The following FYB1 variants were observed in gnomAD, a reference collection of about 807,000 sequenced individuals.
The protein encoded by FYB1 is FYN-binding protein 1.
A neutral mutation model predicts 94.1 loss-of-function variants in FYB1; 41 were observed. The observed-to-expected ratio is 0.44, with a 90% CI of 0.34 to 0.57. FYB1 has a LOEUF of 0.57. FYB1 is among the 20% of genes least tolerant of loss of function. The probability of loss-of-function intolerance (pLI) is 0.02; values close to 1 mark genes in which losing one functional copy is unlikely to be tolerated. For missense variants in FYB1, 1,050 were observed against 976.8 expected, an observed-to-expected ratio of 1.07 and a Z score of -1.00; for synonymous variants, 367 against 353.2, an observed-to-expected ratio of 1.04 and a Z score of -0.44.
chr5:39,253,286 T>G (rs1383970039), intron 1 of FYB1, among the ~76,000 whole-genome samples: 2 of 152,212 alleles, frequency 1.3e-5, no homozygotes, highest in Non-Finnish European at 2.9e-5. Flanking sequence ...AACTCTCAAA[T>G]ATAAGTGAGT....
At chr5:39,175,710 T>A (rs1745657470) in intron 2 of FYB1, among the ~76,000 whole-genome samples, 1 of 151,700 alleles carries the variant, frequency 6.6e-6, no homozygotes, top group South Asian at 2.1e-4. Context: ...CAGAAAGGAA[T>A]CTCAGAACTC....
At chr5:39,163,783 C>A (rs1744474298) in intron 2 of FYB1, among the ~76,000 whole-genome samples, 1 of 152,174 alleles carries the variant, frequency 6.6e-6, no homozygotes, top group Non-Finnish European at 1.5e-5. Flanking sequence ...TTGTCAGATG[C>A]TCATAGATTA....
chr5:39,138,935 T>C, intron 5 of FYB1: 1 of 560,154 alleles, frequency 1.8e-6, no homozygotes, highest in South Asian at 2.0e-5. Context: ...AATATTTTTT[T>C]TCTCCTTAGA....
At chr5:39,231,373 T>C (rs1301489196) in intron 1 of FYB1, among the ~76,000 whole-genome samples, 1 of 152,086 alleles carries the variant, frequency 6.6e-6, no homozygotes, top group Non-Finnish European at 1.5e-5. Context: ...TCTCTAAATG[T>C]ACTGAGTACC....
At chr5:39,132,683 C>T (rs564415018) in intron 9 of FYB1, among the ~76,000 whole-genome samples, 1 of 152,204 alleles carries the variant, frequency 6.6e-6, no homozygotes, top group South Asian at 2.1e-4. Context: ...TTCTAAGAAC[C>T]TCATTGTTTT....
At chr5:39,213,672 TGG>T (rs1749613409) in intron 1 of FYB1, among the ~76,000 whole-genome samples, 1 of 152,158 alleles carries the variant, frequency 6.6e-6, no homozygotes, top group Non-Finnish European at 1.5e-5. Flanking sequence ...GTGTGTGTGT[TGG>T]TGTGGGGGTG....
At chr5:39,238,624 G>GA (rs372962020) in intron 1 of FYB1, among the ~76,000 whole-genome samples, 52 of 152,008 alleles carry the variant, frequency 3.4e-4, no homozygotes, top group African/African-American at 1.2e-3. Flanking sequence ...CAAGAAGAGA[G>GA]AAAAAAGAGC....
intron 1 of FYB1, among the ~76,000 whole-genome samples, chr5:39,209,430 G>A (rs532124305): frequency 2.0e-5 from 3 of 151,636 alleles, no homozygotes; most frequent in South Asian, 2.1e-4. Context: ...GGGTTCAAGC[G>A]ATTCTCGTGC....
intron 18 of FYB1, 104 bp downstream of exon 18, chr5:39,108,127 C>T: frequency 9.2e-7 from 1 of 1,090,852 alleles, no homozygotes; most frequent in South Asian, 1.6e-5. Context: ...GATTCAAATT[C>T]TGATCAGATT....
intron 4 of FYB1, chr5:39,139,841 T>C (rs969660607): frequency 6.6e-6 from 1 of 152,154 alleles, no homozygotes; most frequent in African/African-American, 2.4e-5. Context: ...TACACAAATG[T>C]ACATAAACAC....
chr5:39,127,845 A>G (rs760205899), intron 10 of FYB1, 38 bp from the exon 11 acceptor site: 3 of 1,564,362 alleles, frequency 1.9e-6, no homozygotes, highest in Non-Finnish European at 2.6e-6. Context: ...TGTTAATTTT[A>G]TAATTTGGCC....
intron 1 of FYB1, among the ~76,000 whole-genome samples, chr5:39,216,178 C>T (rs6864404): frequency 0.014 from 2,174 of 152,214 alleles, 48 homozygotes; most frequent in African/African-American, 0.047. Flanking sequence ...TTGTAAGCTG[C>T]CTAGTTTGTG....
chr5:39,111,566 T>C (rs1387591320), intron 16 of FYB1, among the ~76,000 whole-genome samples: 2 of 151,810 alleles, frequency 1.3e-5, no homozygotes, highest in Non-Finnish European at 2.9e-5. Context: ...TGAAGTGTTA[T>C]AGGGTTAAAA....
chr5:39,125,544 A>G (rs1740579110), intron 12 of FYB1, among the ~76,000 whole-genome samples: 1 of 152,208 alleles, frequency 6.6e-6, no homozygotes, highest in African/African-American at 2.4e-5. Context: ...TCTTTATTTC[A>G]AACTATTAAA....
At chr5:39,260,357 A>G (rs907297863) in intron 1 of FYB1, among the ~76,000 whole-genome samples, 5 of 152,192 alleles carry the variant, frequency 3.3e-5, no homozygotes, top group Admixed American at 6.5e-5. Context: ...TTCTTGTTAC[A>G]ACAGTAGAGT....
At chr5:39,232,756 C>A (rs1579748294) in intron 1 of FYB1, among the ~76,000 whole-genome samples, 1 of 148,914 alleles carries the variant, frequency 6.7e-6, no homozygotes, top group African/African-American at 2.5e-5. Context: ...TGTGATATTC[C>A]CCTTCCTGTG....
chr5:39,158,970 T>C (rs1250147007), intron 2 of FYB1, among the ~76,000 whole-genome samples: 1 of 152,324 alleles, frequency 6.6e-6, no homozygotes, highest in Non-Finnish European at 1.5e-5. Context: ...GGCAAATCAC[T>C]TAATCTCCAT....
chr5:39,119,734 T>A, intron 14 of FYB1, 100 bp from the exon 15 acceptor site: 1 of 1,278,150 alleles, frequency 7.8e-7, no homozygotes, highest in Non-Finnish European at 1.0e-6. Flanking sequence ...TTTAACTTTT[T>A]GTTTCAGTTA....
Position 39,201,957 on chromosome 5 carries a change from CCCTTTT to C in FYB1, c.998_1003del (p.Glu333_Lys334del), listed in dbSNP as rs777284482. ...TTTCGGGGTGGCTGAATTCTTGTCTCCCTTTTCCTTTTCCTGACTTTGGCCCCATGG... is the reference window on the plus strand; with the variant it reads ...TTTCGGGGTGGCTGAATTCTTGTCTCCCTTTTCCTGACTTTGGCCCCATGG... On this transcript the variant is annotated inframe_deletion, in exon 2 of 19. Transcript: ENST00000512982. 4 of 1,613,874 alleles carry C rather than the reference CCCTTTT, an allele frequency of 2.5e-6. No individual in the cohort carries two copies. Among genetic ancestry groups the C allele is most frequent in the Non-Finnish European group, 3.4e-6 (4 of 1,179,906 alleles).
Sources: allele counts gnomAD v4.1 joint callset (sites outside exome capture counted in the v4.1 genomes callset), GRCh38; gene constraint gnomAD v4.1.1; transcripts MANE v1.5; gene names NCBI Gene and HGNC (gene_info 2026-07-23, HGNC 2026-07-21).